The following NTRK1 variants were observed in gnomAD, a reference collection of about 807,000 sequenced individuals.
NTRK1 encodes high affinity nerve growth factor receptor.
A neutral mutation model predicts 86.8 loss-of-function variants in NTRK1; 62 were observed. The observed-to-expected ratio is 0.71, with a 90% confidence interval of 0.58 to 0.88. The LOEUF (loss-of-function observed/expected upper bound fraction) is 0.88, where lower values mean the gene tolerates loss of function less well. Ranked by LOEUF, NTRK1 falls within the 40% of genes least tolerant of loss-of-function variation. The probability of loss-of-function intolerance (pLI) is 0.00; values close to 1 mark genes in which losing one functional copy is unlikely to be tolerated. For synonymous variants in NTRK1, 469 were observed against 456.6 expected (o/e 1.03, Z -0.35); for missense variants, 967 against 1,078.4 (o/e 0.90, Z 1.45).
chr1:156,819,504 T>TTTTTTG (rs148077088), intron 1 of NTRK1, among the ~76,000 whole-genome samples: 72 of 147,176 alleles, frequency 4.9e-4, no homozygotes, highest in African/African-American at 1.8e-3. Context: ...GGATTATTAT[T>TTTTTTG]TTTTTATTTT....
At chr1:156,876,017 C>A (rs932328554) in intron 12 of NTRK1, 63 bp from the exon 13 acceptor site, 1 of 1,612,910 alleles carries the variant, frequency 6.2e-7, no homozygotes. Flanking sequence ...CCAAGACAGT[C>A]CCCGCTACAA....
chr1:156,816,871 A>G lies in NTRK1; in HGVS notation c.-64+1033A>G, dbSNP rs1571633124. 29 of 567,434 alleles carry G rather than the reference A, an allele frequency of 5.1e-5. No individual in the cohort carries two copies. The East Asian group carries it at 1.0e-3, about 20-fold the overall frequency. 35.1% of individuals were successfully genotyped at this position (567,434 alleles called of 1,614,324 possible). On this transcript the variant is annotated intron_variant, in intron 1 of 16. Coordinates refer to the NTRK1 transcript ENST00000392302. ...TCTGGCGAGGACTCACGTCATGGAA[A>G]GCCTTAAGACGATTGTCCCACCCCC... is the stretch of plus-strand genomic sequence containing the variant.
intron 1 of NTRK1, among the ~76,000 whole-genome samples, chr1:156,820,076 A>G (rs921466250): frequency 1.3e-5 from 2 of 151,870 alleles, no homozygotes; most frequent in African/African-American, 4.8e-5. Context: ...AGTTTTTTGG[A>G]TGTTATCTTC....
intron 1 of NTRK1, among the ~76,000 whole-genome samples, chr1:156,820,994 G>A (rs1389080610): frequency 2.0e-5 from 3 of 152,104 alleles, no homozygotes; most frequent in African/African-American, 7.2e-5. Flanking sequence ...TCCTTATAGA[G>A]TTTTCTTTGT....
chr1:156,834,931 G>C (rs923474540), intron 1 of NTRK1, among the ~76,000 whole-genome samples: 1 of 152,130 alleles, frequency 6.6e-6, no homozygotes, highest in Non-Finnish European at 1.5e-5. Context: ...AGGAAAGGGT[G>C]AGCAGAGAAT....
At chr1:156,843,732 A>T (rs1654886050) in intron 2 of NTRK1, among the ~76,000 whole-genome samples, 1 of 152,246 alleles carries the variant, frequency 6.6e-6, no homozygotes, top group South Asian at 2.1e-4. Flanking sequence ...CCTATAGCCA[A>T]GCTGATCGAG....
At chr1:156,844,982 G>T (rs1654938313) in intron 2 of NTRK1, 7 of 1,534,980 alleles carry the variant, frequency 4.6e-6, no homozygotes, top group African/African-American at 1.4e-5. Flanking sequence ...GCAAAGCGAG[G>T]CTCTGGGGTT....
At chr1:156,849,513 G>GGGGGGGGGGGGGGGGGGGC in intron 2 of NTRK1, 40 of 486,072 alleles carry the variant, frequency 8.2e-5, no homozygotes, top group East Asian at 4.3e-4. Flanking sequence ...CAGGGGGTGG[G>GGGGGGGGGGGGGGGGGGGC]AAAGGGGATG....
At chr1:156,849,513 G>GGGGGGGGGGGGGGGA in intron 2 of NTRK1, 1 of 486,122 alleles carries the variant, frequency 2.1e-6, no homozygotes, top group Non-Finnish European at 4.1e-6. Context: ...CAGGGGGTGG[G>GGGGGGGGGGGGGGGA]AAAGGGGATG....
At chr1:156,848,194 C>T (rs1289071045) in intron 2 of NTRK1, among the ~76,000 whole-genome samples, 1 of 152,110 alleles carries the variant, frequency 6.6e-6, no homozygotes, top group African/African-American at 2.4e-5. Flanking sequence ...TGACTTCCTT[C>T]CTTTCTCCTC....
chr1:156,870,766 A>G (rs1647503843), intron 6 of NTRK1, among the ~76,000 whole-genome samples: 1 of 152,244 alleles, frequency 6.6e-6, no homozygotes, highest in African/African-American at 2.4e-5. Context: ...ATGTCAGAAG[A>G]TAATTTGTCC....
intron 8 of NTRK1, 63 bp from the exon 9 acceptor site, chr1:156,874,320 C>A (rs2102908471): frequency 6.2e-7 from 1 of 1,610,148 alleles, no homozygotes; most frequent in Non-Finnish European, 8.5e-7. Flanking sequence ...CACTGCTTTC[C>A]TCCTCCCTCT....
Position 156,864,403 on chromosome 1 carries a change from A to T in NTRK1, c.262A>T (p.Arg88Trp). 6.2e-7 allele frequency: 1 copy of T among 1,613,968 alleles called. No homozygotes were observed. The highest frequency in any genetic ancestry group is 8.5e-7 in the Non-Finnish European group (1 of 1,179,982). ...HLQHLELRDL[R>W]GLGELRNLTI... The stretch of plus-strand genomic sequence containing the variant: ...GCAGCATCTGGAGCTCCGTGATCTG[A>T]GGGGCCTGGGGGAGCTGAGAAACCT... The change falls in exon 2 of 17, where the codon AGG (arginine) becomes TGG (tryptophan). Residue 88 changes from arginine (R) to tryptophan (W), a missense_variant. This residue lies in a region of NTRK1 where 330 missense variants were observed against 302.0 expected (regional missense o/e 1.09). Coordinates refer to ENST00000524377, the MANE Select transcript of NTRK1 (RefSeq NM_002529.4).
At position 156,880,062 on chromosome 1, in the gene NTRK1, T is replaced by G. The variant is rs2102927391; in HGVS notation, c.2110T>G (p.Phe704Val). Reference sequence around the variant, plus strand: ...GCCCGAGAGCATCCTGTACCGTAAGTTCACCACCGAGAGCGACGTGTGGAG... The same window carrying G: ...GCCCGAGAGCATCCTGTACCGTAAGGTCACCACCGAGAGCGACGTGTGGAG... ...MPPESILYRK[F>V]TTESDVWSFG... The change falls in exon 16 of 17, where the codon TTC becomes GTC. Residue 704 changes from phenylalanine (F) to valine (V), a missense_variant. Physicochemically the swap from Phe to Val is conservative, Grantham distance 50. This residue lies in a region of NTRK1 where 637 missense variants were observed against 776.5 expected (regional missense o/e 0.82). Coordinates refer to ENST00000524377, the MANE Select transcript of NTRK1 (RefSeq NM_002529.4). 1 of 1,604,598 alleles carries G rather than the reference T, an allele frequency of 6.2e-7. No homozygotes were observed. Among genetic ancestry groups the G allele is most frequent in the Non-Finnish European group, 8.5e-7 (1 of 1,176,436 alleles).
intron 2 of NTRK1, chr1:156,846,073 G>C: frequency 6.2e-7 from 1 of 1,611,688 alleles, no homozygotes. Context: ...CCAGGAGGTG[G>C]GAGGAGGAGT....
upstream of NTRK1, among the ~76,000 whole-genome samples, chr1:156,860,475 G>C (rs1352853717): frequency 6.6e-6 from 1 of 152,248 alleles, no homozygotes; most frequent in Non-Finnish European, 1.5e-5. Context: ...CTAGGCACGC[G>C]CGCCGCGAGG....
intron 1 of NTRK1, among the ~76,000 whole-genome samples, chr1:156,817,602 C>T (rs1654043576): frequency 6.6e-6 from 1 of 151,128 alleles, no homozygotes; most frequent in Non-Finnish European, 1.5e-5. Flanking sequence ...TTAGTATCAA[C>T]ACTATCAGCA....
intron 2 of NTRK1, chr1:156,842,539 C>G (rs752638602): frequency 6.3e-7 from 1 of 1,574,994 alleles, no homozygotes; most frequent in East Asian, 2.2e-5. Context: ...AGCAGACCCC[C>G]TAGTTCCCCT....
intron 1 of NTRK1, chr1:156,841,395 G>A (rs1176974538): frequency 6.2e-7 from 1 of 1,613,706 alleles, no homozygotes; most frequent in Non-Finnish European, 8.5e-7. Context: ...GTGACTCACA[G>A]CTGAAGGGGA....
Sources: allele counts gnomAD v4.1 joint callset (sites outside exome capture counted in the v4.1 genomes callset), GRCh38; gene constraint gnomAD v4.1.1; regional missense constraint gnomAD v4.1.1; transcripts MANE v1.5; gene names NCBI Gene and HGNC (gene_info 2026-07-23, HGNC 2026-07-21).